SYT14: variants seen among roughly 807,000 people sequenced by gnomAD.
SYT14 encodes synaptotagmin-14.
A neutral mutation model predicts 74.2 loss-of-function variants in SYT14; 32 were observed. The ratio of observed to expected loss-of-function variants is 0.43; its 90% confidence interval spans 0.33 to 0.58. The LOEUF is 0.58. Among genes scored for constraint, SYT14 ranks in the 20% least tolerant of loss-of-function variants. SYT14 has a pLI of 0.05. For missense variants in SYT14, 791 were observed against 981.8 expected (o/e 0.81, Z 2.60); for synonymous variants, 298 against 337.7 (o/e 0.88, Z 1.29).
intron 1 of SYT14, 25 bp from the exon 2 acceptor site, chr1:209,952,684 A>C (rs931052976): frequency 6.3e-7 from 1 of 1,582,810 alleles, no homozygotes; most frequent in Non-Finnish European, 8.7e-7. Flanking sequence ...TATGTTTTTA[A>C]CTTCCCATAA....
intron 2 of SYT14, among the ~76,000 whole-genome samples, chr1:209,997,636 C>T (rs186411513): frequency 6.6e-6 from 1 of 152,100 alleles, no homozygotes; most frequent in Non-Finnish European, 1.5e-5. Flanking sequence ...TCGTATGGAA[C>T]GTTGGATACT....
intron 2 of SYT14, among the ~76,000 whole-genome samples, chr1:209,999,403 G>C (rs1294760290): frequency 6.6e-6 from 1 of 152,064 alleles, no homozygotes; most frequent in Non-Finnish European, 1.5e-5. Flanking sequence ...CTTCTACTGG[G>C]TATTTATCTG....
At position 210,026,637 on chromosome 1, in the gene SYT14, C is replaced by G. The variant is rs1329873953; in HGVS notation, c.1312+5383C>G. 2.6e-5 allele frequency among the ~76,000 whole-genome samples: 4 copies of G among 151,084 alleles called. No individual in the cohort carries two copies. The East Asian group carries it at 6.0e-4, about 23-fold the overall frequency. ...ACACACACACACACACACACACACA[C>G]ACACACTCACCCCTACTTGTCATTC... On this transcript the variant is annotated intron_variant, in intron 5 of 9. Transcript: ENST00000637265.
chr1:210,031,542 T>A (rs1376887305), intron 5 of SYT14, among the ~76,000 whole-genome samples: 2 of 152,144 alleles, frequency 1.3e-5, no homozygotes, highest in Non-Finnish European at 2.9e-5. Flanking sequence ...ATCCAAAATT[T>A]CTGCTTTGGA....
chr1:210,111,073 A>G (rs1370424806), intron 7 of SYT14, among the ~76,000 whole-genome samples: 2 of 152,154 alleles, frequency 1.3e-5, no homozygotes, highest in Non-Finnish European at 2.9e-5. Context: ...TGTAAACCCA[A>G]AATCCGGTAC....
chr1:209,993,636 G>T (rs1280668037), intron 2 of SYT14, among the ~76,000 whole-genome samples: 2 of 152,142 alleles, frequency 1.3e-5, no homozygotes, highest in Non-Finnish European at 2.9e-5. Context: ...TCTCTCTGTT[G>T]CAGCCTCTGC....
intron 7 of SYT14, among the ~76,000 whole-genome samples, chr1:210,136,649 A>G (rs1385760337): frequency 2.0e-5 from 3 of 152,172 alleles, no homozygotes; most frequent in Non-Finnish European, 4.4e-5. Context: ...CAGTCAAAGC[A>G]TGGTGTTATG....
rs146366085 is a variant in SYT14 at position 209,971,198 on chromosome 1, G to A, written c.-486+18442G>A. ...GGCTCTCAGCTTAAACATTATAAGT[G>A]TATAGAAATGCTGCCGATTTTTGTA... is the stretch of plus-strand genomic sequence containing the variant. On this transcript the variant is annotated intron_variant, in intron 2 of 9. Transcript: ENST00000637265. Among the ~76,000 whole-genome samples the A allele has an allele frequency of 2.2e-3, 336 of 152,216 alleles. 8 individuals carry two copies. The East Asian group carries it at 0.061, about 28-fold the overall frequency.
chr1:210,160,990 A>G (rs754229300), exon 10 of SYT14: 1 of 1,613,986 alleles, frequency 6.2e-7, no homozygotes, highest in Non-Finnish European at 8.5e-7. Flanking sequence ...ACTGAAATGA[A>G]AGAGTCAAAA....
At chr1:210,045,716 A>G (rs1048955165) in intron 5 of SYT14, among the ~76,000 whole-genome samples, 1 of 152,214 alleles carries the variant, frequency 6.6e-6, no homozygotes, top group African/African-American at 2.4e-5. Flanking sequence ...AGGAGACTGT[A>G]TAAAACCAAA....
At chr1:210,026,310 G>A (rs1241986479) in intron 5 of SYT14, among the ~76,000 whole-genome samples, 3 of 151,880 alleles carry the variant, frequency 2.0e-5, no homozygotes, top group Non-Finnish European at 4.4e-5. Context: ...TAATTGATGA[G>A]CTAGACCAAC....
intron 1 of SYT14, among the ~76,000 whole-genome samples, chr1:209,950,912 T>G: frequency 6.6e-6 from 1 of 152,216 alleles, no homozygotes; most frequent in East Asian, 1.9e-4. Flanking sequence ...CTACAAAATT[T>G]TATTCAGCTT....
intron 7 of SYT14, among the ~76,000 whole-genome samples, chr1:210,149,180 ATTTT>A (rs34134939): frequency 3.4e-4 from 37 of 108,480 alleles, no homozygotes; most frequent in Non-Finnish European, 3.7e-4. Flanking sequence ...TATAGCAGGA[ATTTT>A]TTTTTTTTTT....
intron 7 of SYT14, among the ~76,000 whole-genome samples, chr1:210,148,354 A>G (rs1312138673): frequency 6.6e-6 from 1 of 151,936 alleles, no homozygotes; most frequent in East Asian, 1.9e-4. Context: ...TAAAAATACA[A>G]AAAAATTAGC....
intron 8 of SYT14, among the ~76,000 whole-genome samples, chr1:210,157,767 A>C (rs2083296900): frequency 6.6e-6 from 1 of 151,384 alleles, no homozygotes; most frequent in South Asian, 2.1e-4. Flanking sequence ...AATAAATAAT[A>C]ATATTTATTA....
chr1:210,152,430 CTTTTT>C (rs2083183026), intron 7 of SYT14, among the ~76,000 whole-genome samples: 1 of 151,446 alleles, frequency 6.6e-6, no homozygotes, highest in Non-Finnish European at 1.5e-5. Flanking sequence ...TTTTTCTTTT[CTTTTT>C]AATTCATGGA....
intron 2 of SYT14, among the ~76,000 whole-genome samples, chr1:209,955,895 C>T (rs1281931564): frequency 6.6e-6 from 1 of 152,148 alleles, no homozygotes; most frequent in Non-Finnish European, 1.5e-5. Flanking sequence ...CCCTCCTATG[C>T]ATTTCTTCAA....
intron 7 of SYT14, among the ~76,000 whole-genome samples, chr1:210,112,432 T>A (rs1046931778): frequency 6.6e-6 from 1 of 151,394 alleles, no homozygotes; most frequent in East Asian, 1.9e-4. Flanking sequence ...GGTTATGAAA[T>A]AATGACAGAA....
chr1:210,013,817 T>C lies in SYT14; in HGVS notation c.-321+20T>C, dbSNP rs777112296. ...AAATTTGTAAGTATCGTATTGCTGC[T>C]TCTCTTGTTTGTTCTTTTTATCCGT... On this transcript the variant is annotated intron_variant, in intron 3 of 9. Transcript: ENST00000637265. The C allele has an allele frequency of 3.1e-6, 5 of 1,607,272 alleles. No individual in the cohort carries two copies. In the South Asian group the frequency reaches 5.6e-5, roughly 18 times the overall value.
Sources: gnomAD v4.1 joint callset for allele counts (sites outside exome capture counted in the v4.1 genomes callset) on GRCh38, gnomAD v4.1.1 for gene constraint, MANE v1.5 for transcripts, NCBI Gene and HGNC (gene_info 2026-07-23, HGNC 2026-07-21) for gene names.